The following AKAP10 variants were observed in gnomAD, a reference collection of about 807,000 sequenced individuals.
AKAP10 encodes the protein A-kinase anchoring protein 10.
Under a neutral mutation model 80.8 loss-of-function variants are expected in AKAP10, and 24 were observed. That is an observed-to-expected ratio of 0.30 (90% CI 0.22 to 0.42). AKAP10 has a LOEUF of 0.42. Among genes scored for constraint, AKAP10 ranks in the 10% least tolerant of loss-of-function variants. The pLI is 1.00. For missense variants in AKAP10, 661 were observed against 794.9 expected (o/e 0.83, Z 2.03); for synonymous variants, 291 against 277.7 (o/e 1.05, Z -0.48).
intron 1 of AKAP10, among the ~76,000 whole-genome samples, chr17:19,972,840 C>G (rs1176350943): frequency 2.0e-5 from 3 of 152,176 alleles, no homozygotes; most frequent in African/African-American, 4.8e-5. Context: ...CCCTTCCTAT[C>G]CTGAGATCAG....
chr17:19,974,400 AT>A (rs913623417), intron 1 of AKAP10, among the ~76,000 whole-genome samples: 94 of 151,314 alleles, frequency 6.2e-4, no homozygotes, highest in African/African-American at 2.1e-3. Context: ...AAGTTTTGCG[AT>A]TTTTTTTTAG....
At chr17:19,941,092 T>C in intron 6 of AKAP10, 82 bp from the exon 7 acceptor site, 13 of 1,438,598 alleles carry the variant, frequency 9.0e-6, no homozygotes, top group Non-Finnish European at 1.2e-5. Context: ...TTCCATACTG[T>C]CCCTATTGTA....
At chr17:19,947,222 C>T (rs1023164417) in intron 5 of AKAP10, 185 bp downstream of exon 5, 8 of 570,492 alleles carry the variant, frequency 1.4e-5, no homozygotes, top group Middle Eastern at 4.8e-4. Context: ...ACCCTCGCAC[C>T]GAATGCAGCC....
At chr17:19,973,319 G>A (rs1476758201) in intron 1 of AKAP10, among the ~76,000 whole-genome samples, 1 of 152,136 alleles carries the variant, frequency 6.6e-6, no homozygotes, top group Non-Finnish European at 1.5e-5. Flanking sequence ...ATGCCCATTT[G>A]TTTACATATT....
chr17:19,966,284 AT>A (rs1245161343), intron 2 of AKAP10, among the ~76,000 whole-genome samples: 1 of 151,766 alleles, frequency 6.6e-6, no homozygotes, highest in Non-Finnish European at 1.5e-5. Flanking sequence ...TTGCCTCCGA[AT>A]TTTTTTTCAA....
At chr17:19,966,935 T>C (rs1285876787) in intron 2 of AKAP10, among the ~76,000 whole-genome samples, 2 of 152,134 alleles carry the variant, frequency 1.3e-5, no homozygotes, top group African/African-American at 2.4e-5. Flanking sequence ...TAATGTGGAA[T>C]CTAACTGGCT....
intron 3 of AKAP10, among the ~76,000 whole-genome samples, chr17:19,961,626 T>C (rs1184644687): frequency 1.3e-5 from 2 of 152,192 alleles, no homozygotes; most frequent in African/African-American, 4.8e-5. Flanking sequence ...TTTCAACTTA[T>C]GACAACATGA....
At chr17:19,948,039 G>A (rs527433406) in intron 4 of AKAP10, among the ~76,000 whole-genome samples, 3 of 151,866 alleles carry the variant, frequency 2.0e-5, no homozygotes, top group East Asian at 1.9e-4. Flanking sequence ...CACCAAAGGC[G>A]GGTGTTAAAG....
At position 19,958,924 on chromosome 17, in the gene AKAP10, A is replaced by G. The variant is rs1239872268; in HGVS notation, c.320-353T>C. Among the ~76,000 whole-genome samples the G allele has an allele frequency of 5.5e-5, 8 of 146,706 alleles. No individual in the cohort carries two copies. In the East Asian group the frequency reaches 1.2e-3, roughly 22 times the overall value. On this transcript the variant is annotated intron_variant, in intron 3 of 14. Transcript: ENST00000225737. ...AGAGCAATGGCGCGATCTCGGCTCA[A>G]TGCAACCAACCTCCACCTCCCGGGT...
intron 9 of AKAP10, among the ~76,000 whole-genome samples, 173 bp from the exon 10 acceptor site, chr17:19,932,151 T>C (rs2042940814): frequency 6.6e-6 from 1 of 151,090 alleles, no homozygotes; most frequent in Admixed American, 6.6e-5. Context: ...GTTTACAAAT[T>C]AAAATTATAA....
chr17:19,968,576 T>C (rs761875235), intron 1 of AKAP10, 115 bp from the exon 2 acceptor site: 1 of 836,110 alleles, frequency 1.2e-6, no homozygotes, highest in African/African-American at 1.7e-5. Context: ...TCTAGAACAA[T>C]GGACAGCCTT....
At chr17:19,973,686 A>C (rs1199822139) in intron 1 of AKAP10, among the ~76,000 whole-genome samples, 1 of 152,234 alleles carries the variant, frequency 6.6e-6, no homozygotes, top group Non-Finnish European at 1.5e-5. Flanking sequence ...CTTGACATTT[A>C]AGCTAAGATT....
intron 4 of AKAP10, among the ~76,000 whole-genome samples, chr17:19,948,038 C>T (rs1261356248): frequency 6.6e-6 from 1 of 150,618 alleles, no homozygotes; most frequent in Admixed American, 6.6e-5. Context: ...CCACCAAAGG[C>T]GGGTGTTAAA....
At position 19,947,714 on chromosome 17, in the gene AKAP10, A is replaced by C. The variant is rs1387828818; in HGVS notation, c.878-209T>G. The stretch of plus-strand genomic sequence containing the variant: ...CTATGGAAAATGCATATGATGAAAA[A>C]ACTATGCATGAATTTCAAAGTACTT... On this transcript the variant is annotated intron_variant, in intron 4 of 14. Coordinates refer to ENST00000225737, the MANE Select transcript of AKAP10 (RefSeq NM_007202.4). 2.0e-5 allele frequency among the ~76,000 whole-genome samples: 3 copies of C among 152,166 alleles called. 1 individual carries two copies. The highest frequency in any genetic ancestry group is 4.4e-5 in the Non-Finnish European group (3 of 68,034).
chr17:19,977,579 C>A lies in AKAP10; in HGVS notation c.88+13G>T. 8.1e-7 allele frequency: 1 copy of A among 1,233,432 alleles called. No homozygotes were observed. Among genetic ancestry groups the A allele is most frequent in the Non-Finnish European group, 1.0e-6 (1 of 987,724 alleles). 76.4% of individuals were successfully genotyped at this position (1,233,432 alleles called of 1,614,324 possible). ...GGCCCGGCCTGACTCCCCGCCGGCG[C>A]CCCCTCAGCTACCTTTCCGCCGGAA... is the stretch of plus-strand genomic sequence containing the variant. On this transcript the variant is annotated intron_variant, in intron 1 of 14. Transcript: ENST00000225737.
intron 4 of AKAP10, among the ~76,000 whole-genome samples, chr17:19,949,559 C>T (rs2043175014): frequency 6.6e-6 from 1 of 151,448 alleles, no homozygotes; most frequent in Non-Finnish European, 1.5e-5. Flanking sequence ...ATCACAAGGT[C>T]AAGAAATCGA....
intron 11 of AKAP10, among the ~76,000 whole-genome samples, chr17:19,921,268 A>G (rs1015148437): frequency 1.3e-5 from 2 of 151,840 alleles, no homozygotes; most frequent in Non-Finnish European, 2.9e-5. Flanking sequence ...CCCGGGTTCA[A>G]GTGATTCTCC....
At chr17:19,938,475 A>C (rs1237671890) in intron 8 of AKAP10, among the ~76,000 whole-genome samples, 1 of 148,464 alleles carries the variant, frequency 6.7e-6, no homozygotes, top group Non-Finnish European at 1.5e-5. Flanking sequence ...GACCTCAAGT[A>C]ATCCGCCTGC....
At chr17:19,908,948 C>G (rs1303086327) in intron 14 of AKAP10, among the ~76,000 whole-genome samples, 1 of 152,200 alleles carries the variant, frequency 6.6e-6, no homozygotes, top group Admixed American at 6.5e-5. Context: ...CTCTTTCGTT[C>G]AGCAAGACTA....
Sources: gnomAD v4.1 joint callset for allele counts (sites outside exome capture counted in the v4.1 genomes callset) on GRCh38, gnomAD v4.1.1 for gene constraint, MANE v1.5 for transcripts, NCBI Gene and HGNC (gene_info 2026-07-23, HGNC 2026-07-21) for gene names.